KCNIP1: variants seen among roughly 807,000 people sequenced by gnomAD.
KCNIP1 encodes the protein potassium voltage-gated channel interacting protein 1, also known as A-type potassium channel modulatory protein KCNIP1.
KCNIP1 carries 18 observed loss-of-function variants against 33.0 expected under a neutral mutation model. The ratio of observed to expected loss-of-function variants is 0.55; its 90% CI spans 0.38 to 0.81. The LOEUF is 0.81. KCNIP1 is among the 30% of genes least tolerant of loss of function. KCNIP1 has a pLI of 0.00. For missense variants in KCNIP1, 238 were observed against 271.6 expected (o/e 0.88, Z 0.87); for synonymous variants, 93 against 98.3 (o/e 0.95, Z 0.32).
intron 1 of KCNIP1, among the ~76,000 whole-genome samples, chr5:170,600,643 A>T (rs939279426): frequency 7.9e-5 from 12 of 152,178 alleles, no homozygotes; most frequent in African/African-American, 2.9e-4. Flanking sequence ...TCCCTGGAGC[A>T]TGTCATTCAT....
intron 1 of KCNIP1, among the ~76,000 whole-genome samples, chr5:170,396,742 A>G (rs568781382): frequency 7.9e-5 from 12 of 152,346 alleles, no homozygotes; most frequent in African/African-American, 2.9e-4. Flanking sequence ...GGTTATTATT[A>G]TATAGATGAA....
chr5:170,573,684 A>C (rs1757495423), intron 1 of KCNIP1, among the ~76,000 whole-genome samples: 1 of 152,214 alleles, frequency 6.6e-6, no homozygotes, highest in South Asian at 2.1e-4. Context: ...ATGACACTTG[A>C]AAAGTATATG....
At chr5:170,484,935 C>CT (rs1407460257) in intron 1 of KCNIP1, among the ~76,000 whole-genome samples, 3 of 89,614 alleles carry the variant, frequency 3.3e-5, no homozygotes, top group Admixed American at 2.2e-4. Context: ...TTTGTTTTTT[C>CT]TTTTTTCTTT....
At chr5:170,370,840 G>A (rs1220357654) in intron 1 of KCNIP1, among the ~76,000 whole-genome samples, 6 of 152,168 alleles carry the variant, frequency 3.9e-5, no homozygotes, top group Non-Finnish European at 7.4e-5. Flanking sequence ...AGAAGGGTTG[G>A]AAAGAAACAA....
At chr5:170,549,350 C>A (rs953541857) in intron 1 of KCNIP1, among the ~76,000 whole-genome samples, 1 of 152,118 alleles carries the variant, frequency 6.6e-6, no homozygotes, top group East Asian at 1.9e-4. Context: ...AGTGCAGTTT[C>A]GTTATATGGA....
At chr5:170,379,359 A>G (rs1294820448) in intron 1 of KCNIP1, among the ~76,000 whole-genome samples, 2 of 152,222 alleles carry the variant, frequency 1.3e-5, no homozygotes, top group African/African-American at 4.8e-5. Flanking sequence ...GACTTCACAC[A>G]GAGCTATCTA....
intron 1 of KCNIP1, among the ~76,000 whole-genome samples, chr5:170,522,860 C>T (rs1755415993): frequency 6.6e-6 from 1 of 152,184 alleles, no homozygotes; most frequent in Admixed American, 6.5e-5. Flanking sequence ...AGAGTTTTCC[C>T]TCTAAAGAGG....
At chr5:170,366,886 C>T (rs778236172) in intron 1 of KCNIP1, among the ~76,000 whole-genome samples, 11 of 152,210 alleles carry the variant, frequency 7.2e-5, no homozygotes, top group Non-Finnish European at 7.4e-5. Flanking sequence ...TGCACTCTCC[C>T]CTTCATGGCC....
At chr5:170,654,891 T>C (rs1238382086) in intron 1 of KCNIP1, among the ~76,000 whole-genome samples, 1 of 152,244 alleles carries the variant, frequency 6.6e-6, no homozygotes. Flanking sequence ...TAACAGTACC[T>C]GGTTCTGAAC....
rs545298454 is a variant in KCNIP1, at chr5:170,457,257, G to A, written c.88+103293G>A. On this transcript the variant is annotated intron_variant, in intron 1 of 7. Coordinates refer to the KCNIP1 transcript ENST00000377360. ...CAAGTAGAAATAGAAAATCTAAATA[G>A]GTATTTAAAAAAGATTATTAAACTG... Among the ~76,000 whole-genome samples, 62 of 152,192 alleles carry A rather than the reference G, an allele frequency of 4.1e-4. 2 individuals are homozygous for A. The South Asian group carries it at 0.013, about 32-fold the overall frequency.
At chr5:170,383,591 C>T (rs777190786) in intron 1 of KCNIP1, 8 of 1,464,600 alleles carry the variant, frequency 5.5e-6, no homozygotes, top group Non-Finnish European at 7.6e-6. Flanking sequence ...GTTGATCTTT[C>T]TCAGCCTCGG....
At chr5:170,669,447 G>T (rs576433616) in intron 1 of KCNIP1, 1 of 852,710 alleles carries the variant, frequency 1.2e-6, no homozygotes, top group African/African-American at 1.8e-5. Context: ...TACATAGAAT[G>T]TATTTAAAGT....
chr5:170,521,798 TA>T (rs1318762826), intron 1 of KCNIP1, among the ~76,000 whole-genome samples: 1 of 152,250 alleles, frequency 6.6e-6, no homozygotes, highest in Non-Finnish European at 1.5e-5. Flanking sequence ...CCCTAGCTGC[TA>T]TAACAAATAA....
intron 1 of KCNIP1, among the ~76,000 whole-genome samples, chr5:170,542,854 A>C (rs1027792549): frequency 6.6e-6 from 1 of 152,214 alleles, no homozygotes; most frequent in Non-Finnish European, 1.5e-5. Flanking sequence ...TCAAACTGCA[A>C]GTGGCCATGG....
rs1256251723 is a variant in KCNIP1 at position 170,440,658 on chromosome 5, C to T, written c.88+86694C>T. ...GAGTATGACACAGGATCCCTCTTGA[C>T]AGAATTAGAACACAGAGATCTGGAG... On this transcript the variant is annotated intron_variant, in intron 1 of 7. Coordinates refer to the KCNIP1 transcript ENST00000377360. Among the ~76,000 whole-genome samples, 2 of 152,136 alleles carry T rather than the reference C, an allele frequency of 1.3e-5. 1 individual carries two copies. Among genetic ancestry groups the T allele is most frequent in the Admixed American group, 1.3e-4 (2 of 15,282 alleles).
At chr5:170,607,125 T>C (rs1758953964) in intron 1 of KCNIP1, among the ~76,000 whole-genome samples, 1 of 152,224 alleles carries the variant, frequency 6.6e-6, no homozygotes. Flanking sequence ...CGGCTCCGTC[T>C]GTCGCGCTTC....
At chr5:170,392,706 C>T (rs1754636010) in intron 1 of KCNIP1, among the ~76,000 whole-genome samples, 1 of 152,114 alleles carries the variant, frequency 6.6e-6, no homozygotes, top group Non-Finnish European at 1.5e-5. Flanking sequence ...GCCTATAATC[C>T]CAGCTATTCT....
chr5:170,604,569 C>T (rs1057411110), intron 1 of KCNIP1, among the ~76,000 whole-genome samples: 3 of 152,184 alleles, frequency 2.0e-5, no homozygotes, highest in Admixed American at 6.5e-5. Flanking sequence ...GCTTTGTATG[C>T]ATAAATGTGG....
At chr5:170,587,064 G>A (rs768196712) in intron 1 of KCNIP1, among the ~76,000 whole-genome samples, 23 of 152,184 alleles carry the variant, frequency 1.5e-4, no homozygotes, top group African/African-American at 4.1e-4. Context: ...GGGATGGACC[G>A]GGCAGGGTGT....
Sources: gnomAD v4.1 joint callset for allele counts (sites outside exome capture counted in the v4.1 genomes callset) on GRCh38, gnomAD v4.1.1 for gene constraint, MANE v1.5 for transcripts, NCBI Gene and HGNC (gene_info 2026-07-23, HGNC 2026-07-21) for gene names.